The following SH3TC1 variants were observed in gnomAD, a reference collection of about 807,000 sequenced individuals.
SH3TC1 encodes the protein SH3 domain and tetratricopeptide repeats 1, also known as SH3 domain and tetratricopeptide repeat-containing protein 1.
SH3TC1 carries 135 observed loss-of-function variants against 117.3 expected under a neutral mutation model. That is an observed-to-expected ratio of 1.15 (90% CI 1.00 to 1.33). The LOEUF (loss-of-function observed/expected upper bound fraction) is 1.33. Among genes scored for constraint, SH3TC1 ranks in the 40% most tolerant of loss-of-function variants. The pLI is 0.00. For synonymous variants in SH3TC1, 898 were observed against 816.9 expected (o/e 1.10, Z -1.69); for missense variants, 2,092 against 1,794.3 (o/e 1.17, Z -3.00).
chr4:8,225,140 G>A lies in SH3TC1; in HGVS notation c.1244-35G>A. 1.2e-6 allele frequency: 2 copies of A among 1,613,174 alleles called. No homozygotes were observed. The highest frequency in any genetic ancestry group is 1.7e-6 in the Non-Finnish European group (2 of 1,179,616). On this transcript the variant is annotated intron_variant, in intron 10 of 17. Coordinates refer to ENST00000245105, the MANE Select transcript of SH3TC1 (RefSeq NM_018986.5). The surrounding 1 kb of genome is among the most constrained non-coding windows in gnomAD (Gnocchi z 5.5). ...GGCAGGGGACCAGAGGTACTGGCTG[G>A]GGGTGTTGATTGCTTCTCTTTTCTC... is the stretch of plus-strand genomic sequence containing the variant.
chr4:8,222,361 GTTTTTTTTTT>G lies in SH3TC1; in HGVS notation c.1113-458_1113-449del, dbSNP rs5856006. The stretch of plus-strand genomic sequence containing the variant: ...AGGCACCCCTTGAGGTCAGGATCTG[GTTTTTTTTTT>G]TTTTTTTTTTTTTTTTTTTTCAGAC... On this transcript the variant is annotated intron_variant, in intron 9 of 17. Transcript: ENST00000245105. Among the ~76,000 whole-genome samples the G allele has an allele frequency of 5.8e-3, 233 of 40,324 alleles. 3 individuals are homozygous for G. Among genetic ancestry groups the G allele is most frequent in the African/African-American group, 0.022 (218 of 10,044 alleles). 26.5% of individuals were successfully genotyped at this position (40,324 alleles called of 152,430 possible).
At chr4:8,203,877 C>T (rs1309642142) in intron 1 of SH3TC1, among the ~76,000 whole-genome samples, 1 of 152,198 alleles carries the variant, frequency 6.6e-6, no homozygotes, top group Non-Finnish European at 1.5e-5. Flanking sequence ...GATTTGCCTC[C>T]CAGTCCCCTG....
intron 1 of SH3TC1, among the ~76,000 whole-genome samples, chr4:8,189,330 A>G (rs1717337047): frequency 6.6e-6 from 1 of 152,252 alleles, no homozygotes; most frequent in Non-Finnish European, 1.5e-5. Flanking sequence ...GTGGTGACAG[A>G]TGATGGCCCC....
chr4:8,191,907 G>A (rs982836107), intron 1 of SH3TC1, among the ~76,000 whole-genome samples: 1 of 152,204 alleles, frequency 6.6e-6, no homozygotes, highest in Admixed American at 6.5e-5. Context: ...GCGTGGAGCT[G>A]GGGTCCGGCC....
At chr4:8,238,436 C>T (rs1232626877) in intron 17 of SH3TC1, among the ~76,000 whole-genome samples, 2 of 152,216 alleles carry the variant, frequency 1.3e-5, no homozygotes, top group African/African-American at 4.8e-5. Context: ...CAGGCGCCCG[C>T]CCCTACTCAG....
At chr4:8,200,632 G>C (rs187216286) in intron 1 of SH3TC1, among the ~76,000 whole-genome samples, 59 of 152,302 alleles carry the variant, frequency 3.9e-4, no homozygotes, top group Non-Finnish European at 6.6e-4. Context: ...AGCAAGGCAG[G>C]GCCCAGCAGC....
chr4:8,226,374 A>G (rs1022911799), intron 11 of SH3TC1, among the ~76,000 whole-genome samples: 3 of 152,186 alleles, frequency 2.0e-5, no homozygotes, highest in Admixed American at 1.3e-4. Context: ...GGAGCCTGGA[A>G]GCTTTCCCAT....
intron 12 of SH3TC1, chr4:8,231,460 C>T (rs1721199673): frequency 6.3e-6 from 1 of 157,910 alleles, no homozygotes; most frequent in Non-Finnish European, 1.4e-5. Context: ...CAGCAGCTTT[C>T]CACCGTTCCC....
At position 8,232,133 on chromosome 4, in the gene SH3TC1, C is replaced by T; in HGVS notation, c.3108C>T (p.Leu1036=). Residue 1036 remains leucine, a synonymous_variant, in exon 13 of 18, where the codon CTC becomes CTT. Transcript: ENST00000245105. ...AGCTCCTGGAGACCATCAGCCAGCT[C>T]TACCTGTCCCTGGGCACCGAGCGGT... ...EGQLLETISQ[L]YLSLGTERAY... The T allele has an allele frequency of 6.2e-7, 1 of 1,607,238 alleles. No homozygotes were observed. The highest frequency in any genetic ancestry group is 8.5e-7 in the Non-Finnish European group (1 of 1,179,050).
chr4:8,199,102 C>G (rs967532697), upstream of SH3TC1, among the ~76,000 whole-genome samples: 1 of 152,232 alleles, frequency 6.6e-6, no homozygotes, highest in African/African-American at 2.4e-5. Flanking sequence ...GGGCAGCGGG[C>G]AGGCAGGACA....
chr4:8,232,305 G>A (rs1222286229), intron 13 of SH3TC1, 149 bp downstream of exon 13: 8 of 1,466,178 alleles, frequency 5.5e-6, no homozygotes, highest in African/African-American at 4.2e-5. Flanking sequence ...GAGCTGGGGG[G>A]CCTGGGGTTG....
intron 12 of SH3TC1, 82 bp downstream of exon 12, chr4:8,228,726 C>T (rs956332740): frequency 2.5e-5 from 30 of 1,216,060 alleles, no homozygotes; most frequent in African/African-American, 7.6e-5. Context: ...CAGACACAAG[C>T]GGTGGTTTTT....
At position 8,237,471 on chromosome 4, in the gene SH3TC1, C is replaced by T; in HGVS notation, c.3557-3C>T. 1.3e-6 allele frequency: 2 copies of T among 1,561,022 alleles called. No individual in the cohort carries two copies. ...ACACCTGCCCCCTTGGCCTGCACCC[C>T]AGGGGACCGGCTGAACGAGCGCGTG... On this transcript the variant is annotated splice_polypyrimidine_tract_variant and splice_region_variant and intron_variant, in intron 16 of 17. Coordinates refer to ENST00000245105, the MANE Select transcript of SH3TC1 (RefSeq NM_018986.5).
rs868508538 is a variant in SH3TC1, at chr4:8,232,831, G to A, written c.3132-532G>A. On this transcript the variant is annotated intron_variant, in intron 13 of 17. Coordinates refer to ENST00000245105, the MANE Select transcript of SH3TC1 (RefSeq NM_018986.5). Reference sequence around the variant, plus strand: ...GCCTCAGGTTCACAGCAGGAAAATGGGCCAGTGTGTTAGAGCCATGTTCTC... The same window carrying A: ...GCCTCAGGTTCACAGCAGGAAAATGAGCCAGTGTGTTAGAGCCATGTTCTC... 46 of 1,280,604 alleles carry A rather than the reference G, an allele frequency of 3.6e-5. No homozygotes were observed. The African/African-American group carries it at 5.0e-4, about 14-fold the overall frequency. The allele number at this position is 1,280,604 out of a possible 1,614,324, so 79.3% of individuals were successfully genotyped here. A position where few individuals can be genotyped will look rare whatever the true frequency, so the allele number is the denominator to read the frequency against.
chr4:8,231,379 T>C (rs1721189952), intron 12 of SH3TC1: 1 of 154,618 alleles, frequency 6.5e-6, no homozygotes, highest in Admixed American at 6.3e-5. Context: ...GGGTGGCGTG[T>C]GTGATAGATG....
intron 3 of SH3TC1, among the ~76,000 whole-genome samples, chr4:8,211,089 C>CT (rs1718634354): frequency 8.5e-6 from 1 of 117,462 alleles, no homozygotes; most frequent in Non-Finnish European, 1.8e-5. Flanking sequence ...GTTTCTCCCC[C>CT]CTCCCTCCCT....
chr4:8,212,908 C>G, intron 4 of SH3TC1, 80 bp downstream of exon 4: 1 of 1,468,640 alleles, frequency 6.8e-7, no homozygotes, highest in East Asian at 2.5e-5. Context: ...GTGTCTGAGA[C>G]TGGGGACACA....
At position 8,227,145 on chromosome 4, in the gene SH3TC1, CCTT is replaced by C. The variant is rs751443134; in HGVS notation, c.1454_1456del (p.Phe485del). On this transcript the variant is annotated inframe_deletion, in exon 12 of 18. Coordinates refer to ENST00000245105, the MANE Select transcript of SH3TC1 (RefSeq NM_018986.5). ...AGCTTGCAGGACCCCGAGGAGCCCT[CCTT>C]CTGCTTGGAAGCCGAGGACGACTGG... 1.1e-5 allele frequency: 18 copies of C among 1,610,620 alleles called. No individual in the cohort carries two copies. In the East Asian group the frequency reaches 2.0e-4, roughly 18 times the overall value.
chr4:8,198,351 C>A (rs551416490), upstream of SH3TC1, among the ~76,000 whole-genome samples: 5 of 152,232 alleles, frequency 3.3e-5, no homozygotes, highest in Admixed American at 2.0e-4. Context: ...AAAGCTCCGA[C>A]CTATCACAGC....
Sources: allele counts gnomAD v4.1 joint callset (sites outside exome capture counted in the v4.1 genomes callset), GRCh38; gene constraint gnomAD v4.1.1; non-coding constraint Gnocchi (gnomAD v3.1); transcripts MANE v1.5; gene names NCBI Gene and HGNC (gene_info 2026-07-23, HGNC 2026-07-21).